NME9: variants seen among roughly 807,000 people sequenced by gnomAD.
NME9 encodes the protein thioredoxin domain-containing protein 6.
NME9 carries 48 observed loss-of-function variants against 44.4 expected under a neutral mutation model. The observed-to-expected ratio is 1.08, with a 90% CI of 0.86 to 1.37. The LOEUF (loss-of-function observed/expected upper bound fraction) is 1.37, where lower values mean the gene tolerates loss of function less well. Ranked by LOEUF, NME9 falls within the 40% of genes most tolerant of loss-of-function variation. The pLI is 0.00. For missense variants in NME9, 325 were observed against 405.2 expected (o/e 0.80, Z 1.70); for synonymous variants, 139 against 147.1 (o/e 0.94, Z 0.40).
chr3:138,302,732 G>C (rs941574896), intron 10 of NME9, among the ~76,000 whole-genome samples: 5 of 152,158 alleles, frequency 3.3e-5, no homozygotes, highest in African/African-American at 1.2e-4. Context: ...CAAATATATT[G>C]ATTAAAACCC....
intron 8 of NME9, chr3:138,274,649 G>A: frequency 1.3e-6 from 1 of 771,630 alleles, no homozygotes; most frequent in South Asian, 1.7e-5. Flanking sequence ...AGAGTGCTGA[G>A]ATGGGAGATG....
chr3:138,281,357 A>G (rs1481537440), intron 8 of NME9, among the ~76,000 whole-genome samples: 1 of 150,954 alleles, frequency 6.6e-6, no homozygotes, highest in Non-Finnish European at 1.5e-5. Flanking sequence ...CAGTGACGCG[A>G]TATCGGCTCA....
intron 8 of NME9, among the ~76,000 whole-genome samples, chr3:138,280,601 C>T (rs2049807831): frequency 6.6e-6 from 1 of 151,716 alleles, no homozygotes; most frequent in South Asian, 2.1e-4. Context: ...TCACGCCATT[C>T]TCCTGCCTCA....
intron 8 of NME9, chr3:138,263,657 A>G (rs1313282648): frequency 1.8e-5 from 21 of 1,178,484 alleles, no homozygotes; most frequent in Non-Finnish European, 2.6e-5. Context: ...CTTTTAATGG[A>G]TGTTAACATA....
chr3:138,305,681 C>T (rs1008276701), intron 8 of NME9, among the ~76,000 whole-genome samples: 4 of 152,290 alleles, frequency 2.6e-5, no homozygotes, highest in African/African-American at 7.2e-5. Context: ...GTGATATGCT[C>T]GAGGCTTTGC....
At chr3:138,275,280 G>A (rs1187599979) in intron 8 of NME9, among the ~76,000 whole-genome samples, 2 of 152,080 alleles carry the variant, frequency 1.3e-5, no homozygotes, top group Admixed American at 6.5e-5. Context: ...TAAGCTGGAC[G>A]GGTACAGTGG....
intron 6 of NME9, among the ~76,000 whole-genome samples, chr3:138,309,283 A>C (rs1288635536): frequency 6.8e-6 from 1 of 146,440 alleles, no homozygotes; most frequent in Non-Finnish European, 1.5e-5. Context: ...TGGTTGACAG[A>C]GTGAGACTTC....
intron 8 of NME9, chr3:138,284,407 T>A (rs780294149): frequency 1.3e-6 from 2 of 1,583,244 alleles, no homozygotes; most frequent in Non-Finnish European, 1.7e-6. Flanking sequence ...CTTTCCTGAC[T>A]GTTGGCCCTT....
intron 4 of NME9, among the ~76,000 whole-genome samples, chr3:138,317,917 C>G (rs1000720955): frequency 2.0e-5 from 3 of 152,164 alleles, no homozygotes; most frequent in Non-Finnish European, 4.4e-5. Flanking sequence ...CCATCCTAGT[C>G]AGCAGCTTGT....
intron 8 of NME9, among the ~76,000 whole-genome samples, chr3:138,280,323 T>TA (rs1162068033): frequency 6.6e-6 from 1 of 151,320 alleles, no homozygotes; most frequent in African/African-American, 2.4e-5. Flanking sequence ...ATTATTATTA[T>TA]TATATATATT....
chr3:138,318,995 C>A (rs1332032941), intron 3 of NME9, among the ~76,000 whole-genome samples: 1 of 151,988 alleles, frequency 6.6e-6, no homozygotes, highest in Non-Finnish European at 1.5e-5. Context: ...CCTGGGAGTT[C>A]TAGACCAGCC....
intron 8 of NME9, chr3:138,287,527 G>A (rs998224062): frequency 2.5e-6 from 1 of 403,894 alleles, no homozygotes; most frequent in Non-Finnish European, 5.1e-6. Flanking sequence ...CTTATGCATA[G>A]TAAATGCATA....
intron 6 of NME9, among the ~76,000 whole-genome samples, chr3:138,310,468 A>T (rs1560106822): frequency 6.6e-6 from 1 of 151,820 alleles, no homozygotes; most frequent in South Asian, 2.1e-4. Context: ...AAAAGACATT[A>T]TTTTCATCAG....
intron 8 of NME9, among the ~76,000 whole-genome samples, chr3:138,290,913 G>A (rs558219173): frequency 6.6e-6 from 1 of 152,334 alleles, no homozygotes; most frequent in East Asian, 1.9e-4. Flanking sequence ...ACATTCGCCT[G>A]ATCATTAGAA....
chr3:138,294,202 T>G (rs2051254691), intron 8 of NME9, among the ~76,000 whole-genome samples: 1 of 152,232 alleles, frequency 6.6e-6, no homozygotes, highest in Admixed American at 6.5e-5. Flanking sequence ...ACCTGAAGAA[T>G]ATATCTCTCA....
intron 8 of NME9, among the ~76,000 whole-genome samples, chr3:138,264,420 T>C (rs1318137142): frequency 7.3e-6 from 1 of 136,060 alleles, no homozygotes; most frequent in East Asian, 2.1e-4. Flanking sequence ...TTCTTTTTTT[T>C]TTTTTTTTTT....
At chr3:138,271,784 TTTTTTTTTTCTTTC>T (rs1291303589) in intron 8 of NME9, among the ~76,000 whole-genome samples, 1 of 148,634 alleles carries the variant, frequency 6.7e-6, no homozygotes, top group Non-Finnish European at 1.5e-5. Context: ...GTTCACAAGA[TTTTTTTTTTCTTTC>T]TTTTTTTTTT....
intron 4 of NME9, among the ~76,000 whole-genome samples, chr3:138,317,841 GC>G (rs1219311308): frequency 6.6e-6 from 1 of 152,184 alleles, no homozygotes; most frequent in Non-Finnish European, 1.5e-5. Flanking sequence ...CAGGAAGGTT[GC>G]CCCAGCACAG....
intron 7 of NME9, 73 bp from the exon 8 acceptor site, chr3:138,306,169 A>C: frequency 1.7e-6 from 2 of 1,155,134 alleles, no homozygotes; most frequent in Non-Finnish European, 2.6e-6. Context: ...AATTTAGTTG[A>C]AAGGTAAAAA....
Sources: allele counts gnomAD v4.1 joint callset (sites outside exome capture counted in the v4.1 genomes callset), GRCh38; gene constraint gnomAD v4.1.1; transcripts MANE v1.5; gene names NCBI Gene and HGNC (gene_info 2026-07-23, HGNC 2026-07-21).